The following CDH20 variants were observed in gnomAD, a reference collection of about 807,000 sequenced individuals.
CDH20 encodes cadherin-20.
In CDH20, 29 loss-of-function variants were observed where a neutral mutation model predicts 74.2. That is an observed-to-expected ratio of 0.39 (90% confidence interval 0.29 to 0.53). The LOEUF (loss-of-function observed/expected upper bound fraction) is 0.53, where lower values mean the gene tolerates loss of function less well. CDH20 is among the 20% of genes least tolerant of loss of function. The probability of loss-of-function intolerance (pLI) is 0.69; values close to 1 mark genes in which losing one functional copy is unlikely to be tolerated. For missense variants in CDH20, 988 were observed against 1,048.3 expected (o/e 0.94, Z 0.79); for synonymous variants, 469 against 405.4 (o/e 1.16, Z -1.88).
At chr18:61,545,300 T>TG (rs1555684907) in intron 10 of CDH20, among the ~76,000 whole-genome samples, 156 bp downstream of exon 10, 4 of 146,190 alleles carry the variant, frequency 2.7e-5, no homozygotes, top group African/African-American at 7.6e-5. Context: ...TTTTTTGAGA[T>TG]GGGGTCTATG....
Position 61,554,697 on chromosome 18 carries a change from G to C in CDH20, c.*2G>C. 6.4e-7 allele frequency: 1 copy of C among 1,556,670 alleles called. No homozygotes were observed. Among genetic ancestry groups the C allele is most frequent in the Non-Finnish European group, 8.7e-7 (1 of 1,151,086 alleles). On this transcript the variant is annotated 3_prime_UTR_variant, in exon 12 of 12. Coordinates refer to ENST00000262717, the MANE Select transcript of CDH20 (RefSeq NM_031891.4). ...GAGGGACCCGCGCCGCTGTGGTGACGGAAGCCAGGAGGCAGGCGCGCGTCC... is the reference window on the plus strand; with the variant it reads ...GAGGGACCCGCGCCGCTGTGGTGACCGAAGCCAGGAGGCAGGCGCGCGTCC...
At chr18:61,469,274 AC>A (rs1910074014) in intron 1 of CDH20, among the ~76,000 whole-genome samples, 1 of 151,920 alleles carries the variant, frequency 6.6e-6, no homozygotes, top group South Asian at 2.1e-4. Context: ...ATGGAAAGCC[AC>A]TCAGTTGGCT....
intron 4 of CDH20, among the ~76,000 whole-genome samples, chr18:61,500,818 A>G (rs999849223): frequency 6.6e-6 from 1 of 152,200 alleles, no homozygotes; most frequent in African/African-American, 2.4e-5. Flanking sequence ...GGTCTTTTAT[A>G]ACCCCATGAA....
At chr18:61,538,608 G>GTTTTTTTTTTTTTTTT (rs1449356386) in intron 8 of CDH20, among the ~76,000 whole-genome samples, 5 of 36,318 alleles carry the variant, frequency 1.4e-4, no homozygotes, top group Non-Finnish European at 2.4e-4. Context: ...TTTTGTTTTT[G>GTTTTTTTTTTTTTTTT]TTTTTGTTTT....
intron 1 of CDH20, among the ~76,000 whole-genome samples, chr18:61,418,122 T>A (rs1009807362): frequency 2.6e-5 from 4 of 152,238 alleles, no homozygotes; most frequent in African/African-American, 9.6e-5. Context: ...AAATTTATTT[T>A]AGAAGTAATC....
intron 1 of CDH20, among the ~76,000 whole-genome samples, chr18:61,387,606 A>G (rs1453100013): frequency 6.6e-6 from 1 of 152,234 alleles, no homozygotes; most frequent in Non-Finnish European, 1.5e-5. Context: ...TTCATGAAAT[A>G]CTTTCCAAAC....
At chr18:61,399,223 C>T (rs1336666293) in intron 1 of CDH20, among the ~76,000 whole-genome samples, 12 of 151,508 alleles carry the variant, frequency 7.9e-5, no homozygotes, top group Admixed American at 7.9e-4. Flanking sequence ...TCATAGAACA[C>T]CAGCAGTTGT....
At chr18:61,360,992 G>T (rs1910671830) in intron 1 of CDH20, among the ~76,000 whole-genome samples, 1 of 152,218 alleles carries the variant, frequency 6.6e-6, no homozygotes, top group Non-Finnish European at 1.5e-5. Flanking sequence ...AAGCAAGTGT[G>T]CATGTTAAAT....
Position 61,414,167 on chromosome 18 carries a change from AC to A in CDH20, c.-152-76234del, listed in dbSNP as rs1354215010. The stretch of plus-strand genomic sequence containing the variant: ...ATTACCAAATGTCGATGTGGTTGGT[AC>A]TATAGATAGCAAGAGATGAAATAAA... On this transcript the variant is annotated intron_variant, in intron 1 of 11. Transcript: ENST00000262717. 4.6e-5 allele frequency among the ~76,000 whole-genome samples: 7 copies of A among 152,252 alleles called. No homozygotes were observed. The East Asian group carries it at 1.4e-3, about 29-fold the overall frequency.
At chr18:61,539,619 A>T (rs1362837915) in intron 9 of CDH20, among the ~76,000 whole-genome samples, 1 of 152,198 alleles carries the variant, frequency 6.6e-6, no homozygotes, top group African/African-American at 2.4e-5. Context: ...GTGAGAGACC[A>T]GGAAGACCAG....
At chr18:61,405,204 A>G in intron 1 of CDH20, 5 of 440,080 alleles carry the variant, frequency 1.1e-5, no homozygotes, top group South Asian at 5.9e-5. Flanking sequence ...TGCAGCCACC[A>G]TCTTTCTGCC....
At chr18:61,416,623 G>T (rs374565314) in intron 1 of CDH20, among the ~76,000 whole-genome samples, 4 of 152,216 alleles carry the variant, frequency 2.6e-5, no homozygotes, top group African/African-American at 7.2e-5. Flanking sequence ...GAAAGTGTGC[G>T]TGCCCTAGAT....
Position 61,347,287 on chromosome 18 carries a change from A to AATATATATAT in CDH20, c.-153+13484_-153+13493dup, listed in dbSNP as rs758677743. ...AACATGGTGAAACCTTGTCTCTGCTAATATATATATATATATATATATATA... is the reference window on the plus strand; with the variant it reads ...AACATGGTGAAACCTTGTCTCTGCTAATATATATATATATATATATATATATATATATATA... On this transcript the variant is annotated intron_variant, in intron 1 of 11. Transcript: ENST00000262717. 1.1e-3 allele frequency among the ~76,000 whole-genome samples: 95 copies of AATATATATAT among 86,398 alleles called. 1 individual carries two copies. Among genetic ancestry groups the AATATATATAT allele is most frequent in the South Asian group, 3.9e-3 (8 of 2,052 alleles). The allele number at this position is 86,398 out of a possible 152,430, so 56.7% of individuals were successfully genotyped here.
At chr18:61,440,249 A>T (rs1908984175) in intron 1 of CDH20, among the ~76,000 whole-genome samples, 1 of 152,176 alleles carries the variant, frequency 6.6e-6, no homozygotes, top group African/African-American at 2.4e-5. Context: ...ATACAAGAAA[A>T]GACTTTATAT....
chr18:61,339,907 G>A (rs557009411), intron 1 of CDH20, among the ~76,000 whole-genome samples: 16 of 151,852 alleles, frequency 1.1e-4, no homozygotes, highest in African/African-American at 3.6e-4. Context: ...AGCCAGGATG[G>A]TCTCGATCTG....
chr18:61,528,446 G>GACACACATACAC (rs370479851), intron 7 of CDH20, among the ~76,000 whole-genome samples: 4,018 of 97,666 alleles, frequency 0.041, 164 homozygotes, highest in African/African-American at 0.098. Flanking sequence ...AATTGGTTGA[G>GACACACATACAC]ACACACACAC....
At chr18:61,432,975 A>G (rs1210633309) in intron 1 of CDH20, among the ~76,000 whole-genome samples, 1 of 152,184 alleles carries the variant, frequency 6.6e-6, no homozygotes, top group African/African-American at 2.4e-5. Flanking sequence ...CCACATACAG[A>G]TAGCAATTAA....
At chr18:61,393,069 C>T (rs149212883) in intron 1 of CDH20, among the ~76,000 whole-genome samples, 219 of 152,240 alleles carry the variant, frequency 1.4e-3, no homozygotes, top group African/African-American at 4.9e-3. Flanking sequence ...ATAATAAAGC[C>T]AGTTTTATTT....
intron 1 of CDH20, among the ~76,000 whole-genome samples, chr18:61,412,874 AG>A (rs1912559503): frequency 6.6e-6 from 1 of 152,206 alleles, no homozygotes; most frequent in Non-Finnish European, 1.5e-5. Context: ...GATACACACA[AG>A]TATGTGAACA....
Sources: gnomAD v4.1 joint callset for allele counts (sites outside exome capture counted in the v4.1 genomes callset) on GRCh38, gnomAD v4.1.1 for gene constraint, MANE v1.5 for transcripts, NCBI Gene and HGNC (gene_info 2026-07-23, HGNC 2026-07-21) for gene names.